Variants in HELQ observed in about 807,000 individuals in gnomAD.
The protein encoded by HELQ is helicase, POLQ like.
Under a neutral mutation model 111.6 loss-of-function variants are expected in HELQ, and 77 were observed. The observed-to-expected ratio is 0.69, with a 90% CI of 0.57 to 0.83. HELQ has a LOEUF of 0.83. Among genes scored for constraint, HELQ ranks in the 40% least tolerant of loss-of-function variants. HELQ has a pLI of 0.00. For missense variants in HELQ, 1,200 were observed against 1,288.5 expected, an observed-to-expected ratio of 0.93 and a Z score of 1.05; for synonymous variants, 438 against 454.7, an observed-to-expected ratio of 0.96 and a Z score of 0.47.
intron 17 of HELQ, among the ~76,000 whole-genome samples, chr4:83,409,935 G>C (rs1738997681): frequency 6.6e-6 from 1 of 151,954 alleles, no homozygotes; most frequent in Admixed American, 6.6e-5. Flanking sequence ...AATTTAAAAA[G>C]CAGGAAAACA....
rs751621480 is a variant in HELQ at position 83,453,260 on chromosome 4, G to C, written c.983C>G (p.Ala328Gly). ...SLPSKVRDLY[A>G]QFKGIEKLYE... ...TAATTTTTCAATTCCCTTGAATTGGGCATAAAGGTCTCTCACTTTGCTGGG... is the reference window on the plus strand; with the variant it reads ...TAATTTTTCAATTCCCTTGAATTGGCCATAAAGGTCTCTCACTTTGCTGGG... Residue 328 changes from alanine to glycine, a missense_variant, in exon 2 of 18, where the codon GCC becomes GGC. By Grantham distance (60) the Ala-to-Gly change is moderately conservative. Transcript: ENST00000295488. 3.1e-6 allele frequency: 5 copies of C among 1,611,232 alleles called. No homozygotes were observed. Among genetic ancestry groups the C allele is most frequent in the Non-Finnish European group, 4.2e-6 (5 of 1,178,696 alleles).
Position 83,407,515 on chromosome 4 carries a change from C to T in HELQ, c.3244G>A (p.Glu1082Lys). The T allele has an allele frequency of 1.2e-6, 2 of 1,612,030 alleles. No individual in the cohort carries two copies. Among genetic ancestry groups the T allele is most frequent in the Non-Finnish European group, 1.7e-6 (2 of 1,179,416 alleles). Residue 1082 changes from glutamate (E) to lysine (K), a missense_variant, in exon 18 of 18, where the codon GAG becomes AAG. Glu to Lys is a moderately conservative substitution (Grantham distance 56). This residue lies in a region of HELQ where 585 missense variants were observed against 665.3 expected (regional missense o/e 0.88). Transcript: ENST00000295488. Reference sequence around the variant, plus strand: ...AAATCAGAAGGCAATCTTAGTAACTCTTCTACCTCTTCTTGCAGGGCTTCT... The same window carrying T: ...AAATCAGAAGGCAATCTTAGTAACTTTTCTACCTCTTCTTGCAGGGCTTCT... The part of the protein sequence containing the change: ...KAEALQEEVE[E>K]LLRLPSDFPG...
At chr4:83,439,014 T>G (rs1720617236) in intron 8 of HELQ, among the ~76,000 whole-genome samples, 1 of 152,166 alleles carries the variant, frequency 6.6e-6, no homozygotes, top group South Asian at 2.1e-4. Context: ...TTTGAATCAC[T>G]GACCTAATAT....
chr4:83,434,024 C>T (rs957593494), intron 9 of HELQ, among the ~76,000 whole-genome samples: 5 of 145,342 alleles, frequency 3.4e-5, no homozygotes, highest in Non-Finnish European at 7.5e-5. Flanking sequence ...GAAAGAACAA[C>T]AAAAGAGAGT....
At chr4:83,436,622 G>A (rs1431189643) in intron 9 of HELQ, among the ~76,000 whole-genome samples, 3 of 152,122 alleles carry the variant, frequency 2.0e-5, no homozygotes, top group South Asian at 4.1e-4. Context: ...GATATAAAGA[G>A]CAGAAAGGAT....
chr4:83,409,866 A>G (rs1175144999), intron 17 of HELQ, among the ~76,000 whole-genome samples: 4 of 152,160 alleles, frequency 2.6e-5, no homozygotes, highest in African/African-American at 9.6e-5. Flanking sequence ...ATAACTAAAT[A>G]ACTGGGTGTC....
At chr4:83,417,560 C>G (rs60699173) in intron 16 of HELQ, among the ~76,000 whole-genome samples, 11,595 of 152,048 alleles carry the variant, frequency 0.076, 1,490 homozygotes, top group African/African-American at 0.26. Context: ...GTGTCTCTCT[C>G]TGTGTGTGTG....
chr4:83,426,329 A>G lies in HELQ; in HGVS notation c.2677-237T>C, dbSNP rs1719847075. ...ACTGGTTTCCATGGACTATATGACT[A>G]TATTTAATACCAGATGGCTGAGGGG... On this transcript the variant is annotated intron_variant, in intron 13 of 17. Coordinates refer to ENST00000295488, the MANE Select transcript of HELQ (RefSeq NM_133636.5). Among the ~76,000 whole-genome samples, 8 of 152,286 alleles carry G rather than the reference A, an allele frequency of 5.3e-5. 1 individual carries two copies. In the South Asian group the frequency reaches 1.7e-3, roughly 32 times the overall value.
chr4:83,411,961 A>G (rs933524458), intron 17 of HELQ, among the ~76,000 whole-genome samples: 4 of 152,156 alleles, frequency 2.6e-5, no homozygotes, highest in Non-Finnish European at 5.9e-5. Context: ...TTGAACTTCA[A>G]TATTCTTGAA....
chr4:83,416,071 C>T (rs376680770), intron 17 of HELQ, among the ~76,000 whole-genome samples: 5 of 150,402 alleles, frequency 3.3e-5, no homozygotes, highest in South Asian at 2.1e-4. Flanking sequence ...CTCAGCCTCC[C>T]GAGTAGCTGG....
chr4:83,414,751 G>T (rs1739275131), intron 17 of HELQ, among the ~76,000 whole-genome samples: 1 of 152,150 alleles, frequency 6.6e-6, no homozygotes, highest in Non-Finnish European at 1.5e-5. Context: ...AATGAAGTTA[G>T]AAAATCACCT....
At chr4:83,412,193 T>C (rs1033573936) in intron 17 of HELQ, among the ~76,000 whole-genome samples, 1 of 152,192 alleles carries the variant, frequency 6.6e-6, no homozygotes, top group African/African-American at 2.4e-5. Flanking sequence ...AATGAGAGTA[T>C]ACTATGGTTA....
intron 5 of HELQ, among the ~76,000 whole-genome samples, chr4:83,443,850 G>T (rs991347340): frequency 7.9e-5 from 12 of 151,844 alleles, no homozygotes; most frequent in African/African-American, 2.9e-4. Context: ...TTCAACACTA[G>T]CCTGGGCAAC....
chr4:83,422,169 G>A lies in HELQ; in HGVS notation c.2776-433C>T, dbSNP rs771357065. Among the ~76,000 whole-genome samples the A allele has an allele frequency of 5.3e-5, 8 of 152,046 alleles. No individual in the cohort carries two copies. In the South Asian group the frequency reaches 6.2e-4, roughly 12 times the overall value. ...CAGGAGACAGAGGTTGCAGGGAGCC[G>A]AGATAGCACCACTGCACTCAGCCTG... On this transcript the variant is annotated intron_variant, in intron 14 of 17. Transcript: ENST00000295488.
rs746323872 is a variant in HELQ at position 83,453,908 on chromosome 4, T to C, written c.335A>G (p.Asp112Gly). 6.2e-7 allele frequency: 1 copy of C among 1,613,272 alleles called. No homozygotes were observed. The highest frequency in any genetic ancestry group is 1.3e-5 in the African/African-American group (1 of 74,860). ...DSEVDMFGDY[D>G]SFTENSFIAQ... ...TATAAAGGAGTTTTCAGTAAAGCTATCATAGTCACCAAACATGTCCACTTC... is the reference window on the plus strand; with the variant it reads ...TATAAAGGAGTTTTCAGTAAAGCTACCATAGTCACCAAACATGTCCACTTC... Residue 112 changes from aspartate to glycine, a missense_variant, in exon 2 of 18, where the codon GAT (aspartate) becomes GGT (glycine). Around this residue, in one of 3 missense-constraint regions of HELQ, gnomAD observed 610 missense variants for 607.1 expected, o/e 1.00. Coordinates refer to ENST00000295488, the MANE Select transcript of HELQ (RefSeq NM_133636.5).
At position 83,412,484 on chromosome 4, in the gene HELQ, C is replaced by T. The variant is rs550642970; in HGVS notation, c.3198+4247G>A. Among the ~76,000 whole-genome samples, 105 of 152,284 alleles carry T rather than the reference C, an allele frequency of 6.9e-4. 1 individual carries two copies. Among genetic ancestry groups the T allele is most frequent in the African/African-American group, 2.4e-3 (101 of 41,562 alleles). ...TCTCTCTCTGACCTTCTTCTGCCCT[C>T]CTTTTGCCTGCCTAAGGCAGAACTC... is the stretch of plus-strand genomic sequence containing the variant. On this transcript the variant is annotated intron_variant, in intron 17 of 17. Coordinates refer to ENST00000295488, the MANE Select transcript of HELQ (RefSeq NM_133636.5).
rs759373968 is a variant in HELQ at position 83,448,927 on chromosome 4, C to T, written c.1047G>A (p.Val349=). ...AATATATTAAATTTTTTCTTTCTTG[C>T]ACAGAATTCAATGTTAAACAAGTAT... ...WQHTCLTLNS[V]QERKNLIYSL... is the part of the protein sequence containing the mutation. The change falls in exon 3 of 18, where the codon GTG becomes GTA. Residue 349 remains valine (V), a synonymous_variant. Transcript: ENST00000295488. 9 of 1,609,540 alleles carry T rather than the reference C, an allele frequency of 5.6e-6. No individual in the cohort carries two copies. Among genetic ancestry groups the T allele is most frequent in the Non-Finnish European group, 7.6e-6 (9 of 1,177,204 alleles).
intron 15 of HELQ, among the ~76,000 whole-genome samples, chr4:83,419,946 A>G (rs559986644): frequency 7.3e-4 from 111 of 152,342 alleles, no homozygotes; most frequent in Non-Finnish European, 1.3e-3. Flanking sequence ...TGCCATATAC[A>G]TATACAGAAT....
rs1739001380 is a variant in HELQ at position 83,410,026 on chromosome 4, G to A, written c.3199-2466C>T. 3.3e-5 allele frequency among the ~76,000 whole-genome samples: 5 copies of A among 152,158 alleles called. 1 individual carries two copies. The South Asian group carries it at 1.0e-3, about 32-fold the overall frequency. ...AGCACTTTGGGAGGTTGAGGCAGGAGGATTGCTTGAGGCCAGAAGTTAGAG... is the reference window on the plus strand; with the variant it reads ...AGCACTTTGGGAGGTTGAGGCAGGAAGATTGCTTGAGGCCAGAAGTTAGAG... On this transcript the variant is annotated intron_variant, in intron 17 of 17. Transcript: ENST00000295488.
Sources: gnomAD v4.1 joint callset for allele counts (sites outside exome capture counted in the v4.1 genomes callset) on GRCh38, gnomAD v4.1.1 for gene constraint, gnomAD v4.1.1 regional missense constraint, MANE v1.5 for transcripts, NCBI Gene and HGNC (gene_info 2026-07-23, HGNC 2026-07-21) for gene names.